LINGO2: variants seen among roughly 807,000 people sequenced by gnomAD.
LINGO2 encodes the protein leucine rich repeat and Ig domain containing 2.
A neutral mutation model predicts 30.6 loss-of-function variants in LINGO2; 14 were observed. That is an observed-to-expected ratio of 0.46 (90% CI 0.30 to 0.72). The LOEUF is 0.72. LINGO2 is among the 30% of genes least tolerant of loss of function. The probability of loss-of-function intolerance (pLI) is 0.07; values close to 1 mark genes in which losing one functional copy is unlikely to be tolerated. For synonymous variants in LINGO2, 317 were observed against 288.5 expected (o/e 1.10, Z -1.00); for missense variants, 729 against 751.7 (o/e 0.97, Z 0.35).
chr9:28,346,761 A>C (rs1049580211), intron 3 of LINGO2, among the ~76,000 whole-genome samples: 1 of 150,196 alleles, frequency 6.7e-6, no homozygotes, highest in Admixed American at 6.6e-5. Context: ...TATGATTTTG[A>C]TTTGCATTTC....
chr9:28,734,225 T>C, the LINGO2 span, among the ~76,000 whole-genome samples: 2 of 152,190 alleles, frequency 1.3e-5, no homozygotes, highest in African/African-American at 4.8e-5. Flanking sequence ...GTCAAGCTGA[T>C]ATCCCAGAAG....
chr9:28,653,048 A>G (rs1484215517), intron 1 of LINGO2, among the ~76,000 whole-genome samples: 2 of 152,158 alleles, frequency 1.3e-5, no homozygotes, highest in African/African-American at 2.4e-5. Flanking sequence ...AATTACTTAG[A>G]TATCTTTAAG....
chr9:28,142,290 C>T (rs930438021), intron 4 of LINGO2, among the ~76,000 whole-genome samples: 9 of 151,146 alleles, frequency 6.0e-5, no homozygotes, highest in Non-Finnish European at 1.0e-4. Flanking sequence ...AACCAACACA[C>T]GAAATTAGTT....
chr9:28,119,555 A>G (rs2133390442), intron 4 of LINGO2, among the ~76,000 whole-genome samples: 1 of 152,352 alleles, frequency 6.6e-6, no homozygotes, highest in East Asian at 1.9e-4. Context: ...AGCTTTTAGC[A>G]GTGTGGCTGG....
intron 4 of LINGO2, among the ~76,000 whole-genome samples, chr9:28,199,617 C>T (rs1273090686): frequency 1.3e-5 from 2 of 152,122 alleles, no homozygotes; most frequent in Non-Finnish European, 2.9e-5. Flanking sequence ...GGATTACAGG[C>T]GTGAGCCACT....
chr9:28,323,840 G>T (rs1377112590), intron 3 of LINGO2, among the ~76,000 whole-genome samples: 1 of 152,074 alleles, frequency 6.6e-6, no homozygotes, highest in Non-Finnish European at 1.5e-5. Flanking sequence ...CATATAATTT[G>T]TAAAGAAGCT....
intron 1 of LINGO2, among the ~76,000 whole-genome samples, chr9:28,644,737 C>A (rs1431461644): frequency 6.6e-6 from 1 of 151,886 alleles, no homozygotes; most frequent in Non-Finnish European, 1.5e-5. Context: ...GGAACAGAAG[C>A]CCCATTTTCC....
the LINGO2 span, among the ~76,000 whole-genome samples, chr9:29,058,221 A>G: frequency 9.2e-5 from 14 of 152,262 alleles, no homozygotes; most frequent in Admixed American, 9.2e-4. Context: ...GAAACAAAAT[A>G]GAGAATAAAC....
upstream of LINGO2, among the ~76,000 whole-genome samples, chr9:28,672,298 A>G (rs970268277): frequency 5.9e-5 from 9 of 152,176 alleles, no homozygotes; most frequent in Admixed American, 4.6e-4. Context: ...TTTCCTGAGA[A>G]TGCTTCAACT....
chr9:28,172,907 A>G (rs1169455674), intron 4 of LINGO2, among the ~76,000 whole-genome samples: 1 of 152,136 alleles, frequency 6.6e-6, no homozygotes, highest in Non-Finnish European at 1.5e-5. Flanking sequence ...TTATCTTTTC[A>G]TCATTGATGG....
intron 1 of LINGO2, among the ~76,000 whole-genome samples, chr9:28,520,866 G>A (rs1820802439): frequency 6.6e-6 from 1 of 152,104 alleles, no homozygotes; most frequent in African/African-American, 2.4e-5. Flanking sequence ...CTTAGAGCAG[G>A]AATATGATAA....
chr9:28,264,559 C>T (rs574147841), intron 4 of LINGO2, among the ~76,000 whole-genome samples: 6 of 151,968 alleles, frequency 3.9e-5, no homozygotes, highest in Admixed American at 1.3e-4. Context: ...TGCATGTCAT[C>T]GGTGACTGGA....
the LINGO2 span, among the ~76,000 whole-genome samples, chr9:28,834,122 C>T: frequency 6.6e-6 from 1 of 151,396 alleles, no homozygotes; most frequent in Non-Finnish European, 1.5e-5. Flanking sequence ...TTAGAGAAAA[C>T]ATTTCAGCAC....
chr9:28,240,787 C>G (rs770436739), intron 4 of LINGO2, among the ~76,000 whole-genome samples: 4 of 151,938 alleles, frequency 2.6e-5, no homozygotes, highest in Admixed American at 6.6e-5. Context: ...AAAACATGGA[C>G]AAATGGGATC....
intron 4 of LINGO2, among the ~76,000 whole-genome samples, chr9:28,178,384 T>C (rs891269665): frequency 9.2e-5 from 14 of 152,214 alleles, no homozygotes; most frequent in Middle Eastern, 6.8e-3. Flanking sequence ...AAATGAAATA[T>C]ACATTCAAAA....
chr9:29,145,886 G>C, the LINGO2 span, among the ~76,000 whole-genome samples: 1 of 152,082 alleles, frequency 6.6e-6, no homozygotes, highest in Non-Finnish European at 1.5e-5. Context: ...CACACACAAA[G>C]ATATGTATTT....
chr9:28,570,924 T>G (rs1823657855), intron 1 of LINGO2, among the ~76,000 whole-genome samples: 1 of 151,672 alleles, frequency 6.6e-6, no homozygotes. Flanking sequence ...TCCACACTTT[T>G]AAATTGTAAC....
At chr9:28,399,389 T>A (rs1313540482) in intron 2 of LINGO2, among the ~76,000 whole-genome samples, 1 of 152,160 alleles carries the variant, frequency 6.6e-6, no homozygotes, top group African/African-American at 2.4e-5. Flanking sequence ...AAAAAGTATA[T>A]AAATATTGGA....
At chr9:28,630,051 T>A (rs767859468) in intron 1 of LINGO2, among the ~76,000 whole-genome samples, 1 of 151,882 alleles carries the variant, frequency 6.6e-6, no homozygotes, top group Non-Finnish European at 1.5e-5. Context: ...GATAGTTTAC[T>A]GAGAATGATG....
Sources: gnomAD v4.1 joint callset for allele counts (sites outside exome capture counted in the v4.1 genomes callset) on GRCh38, gnomAD v4.1.1 for gene constraint, MANE v1.5 for transcripts, NCBI Gene and HGNC (gene_info 2026-07-23, HGNC 2026-07-21) for gene names.